PCDHA11: variants seen among roughly 807,000 people sequenced by gnomAD.
PCDHA11 encodes protocadherin alpha-11.
A neutral mutation model predicts 70.3 loss-of-function variants in PCDHA11; 61 were observed. The ratio of observed to expected loss-of-function variants is 0.87; its 90% CI spans 0.71 to 1.07. The LOEUF is 1.07. PCDHA11 is among the 50% of genes least tolerant of loss of function. PCDHA11 has a pLI of 0.00. For synonymous variants in PCDHA11, 633 were observed against 555.1 expected (o/e 1.14, Z -1.97); for missense variants, 1,324 against 1,237.5 (o/e 1.07, Z -1.05).
At chr5:140,967,252 G>A (rs199714982) in intron 1 of PCDHA11, 1 of 1,613,504 alleles carries the variant, frequency 6.2e-7, no homozygotes, top group Non-Finnish European at 8.5e-7. Flanking sequence ...AATCGGTGGC[G>A]CCTGGAGCGC....
rs1554262625 is a variant in PCDHA11, at chr5:141,009,974, T to A, written c.*37T>A. 3 of 1,585,642 alleles carry A rather than the reference T, an allele frequency of 1.9e-6. No homozygotes were observed. The highest frequency in any genetic ancestry group is 2.6e-6 in the Non-Finnish European group (3 of 1,169,212). ...GGAAACAAGCCACTTAGCCAGTTTT[T>A]GTAATAATGGCAAATCTCTCCCATG... On this transcript the variant is annotated 3_prime_UTR_variant, in exon 4 of 4. Transcript: ENST00000398640.
chr5:140,896,276 G>A (rs1368035002), intron 1 of PCDHA11, among the ~76,000 whole-genome samples: 1 of 152,176 alleles, frequency 6.6e-6, no homozygotes, highest in Non-Finnish European at 1.5e-5. Context: ...GGATTTGCTG[G>A]CTTGAATGGT....
chr5:140,922,477 C>T (rs1233589980), intron 1 of PCDHA11, among the ~76,000 whole-genome samples: 2 of 152,124 alleles, frequency 1.3e-5, no homozygotes, highest in African/African-American at 2.4e-5. Context: ...GGAGAGAAGG[C>T]AGGACTAAAT....
At chr5:140,941,317 C>T (rs1264351232) in intron 1 of PCDHA11, among the ~76,000 whole-genome samples, 5 of 99,210 alleles carry the variant, frequency 5.0e-5, no homozygotes, top group Admixed American at 1.1e-4. Flanking sequence ...TTTCTTCTTT[C>T]TCTTTTTTTT....
At chr5:140,965,521 G>A (rs1554227745) in intron 1 of PCDHA11, among the ~76,000 whole-genome samples, 2 of 150,836 alleles carry the variant, frequency 1.3e-5, no homozygotes, top group East Asian at 3.9e-4. Flanking sequence ...TAACTGCAAA[G>A]CATTAATGGA....
rs1188351170 is a variant in PCDHA11, at chr5:140,929,610, T to C, written c.2392-49339T>C. 7.3e-6 allele frequency: 3 copies of C among 408,442 alleles called. No individual in the cohort carries two copies. The South Asian group carries it at 4.1e-4, about 55-fold the overall frequency. 25.3% of individuals were successfully genotyped at this position (408,442 alleles called of 1,614,324 possible). On this transcript the variant is annotated intron_variant, in intron 1 of 3. Transcript: ENST00000398640. ...TAAAGGTCTAAAATTAAAAATAAAA[T>C]ACCAAAATATTTTATAAGCAACAGA...
At chr5:140,915,258 A>T (rs2077046977) in intron 1 of PCDHA11, among the ~76,000 whole-genome samples, 1 of 151,928 alleles carries the variant, frequency 6.6e-6, no homozygotes, top group South Asian at 2.1e-4. Context: ...GGTTGTTATT[A>T]TTTTTGACCA....
chr5:140,977,383 G>A (rs2096759264), intron 1 of PCDHA11, among the ~76,000 whole-genome samples: 1 of 152,134 alleles, frequency 6.6e-6, no homozygotes, highest in Non-Finnish European at 1.5e-5. Context: ...ATATTTCCAG[G>A]TTTATAAAAT....
chr5:140,940,450 A>G (rs1279490375), intron 1 of PCDHA11, among the ~76,000 whole-genome samples: 1 of 151,884 alleles, frequency 6.6e-6, no homozygotes, highest in Non-Finnish European at 1.5e-5. Flanking sequence ...GATATTTTTT[A>G]TAGGTTTCTG....
At chr5:140,875,966 ACT>A (rs782792514) in intron 1 of PCDHA11, 11 of 1,613,922 alleles carry the variant, frequency 6.8e-6, no homozygotes, top group Admixed American at 6.7e-5. Context: ...ATCGGCGTAA[ACT>A]CTCTTTTGAC....
chr5:140,923,012 G>A (rs2081117924), intron 1 of PCDHA11, among the ~76,000 whole-genome samples: 1 of 152,206 alleles, frequency 6.6e-6, no homozygotes, highest in Non-Finnish European at 1.5e-5. Flanking sequence ...TTGTTGGACT[G>A]CAGTTTCGGA....
intron 1 of PCDHA11, among the ~76,000 whole-genome samples, chr5:140,935,394 G>A (rs959098226): frequency 2.0e-5 from 3 of 152,088 alleles, no homozygotes; most frequent in East Asian, 1.9e-4. Flanking sequence ...GTTATCCCAC[G>A]GGACTCAAAC....
chr5:140,891,409 C>A (rs1295005747), intron 1 of PCDHA11, among the ~76,000 whole-genome samples: 1 of 148,202 alleles, frequency 6.7e-6, no homozygotes. Flanking sequence ...CGCCACCCCC[C>A]ACTCTTGCCC....
intron 1 of PCDHA11, 181 bp downstream of exon 1, chr5:140,871,675 T>C (rs1474564343): frequency 8.8e-7 from 1 of 1,142,376 alleles, no homozygotes; most frequent in African/African-American, 1.6e-5. Flanking sequence ...CTTTTAATCA[T>C]ATGAATAATC....
rs371246236 is a variant in PCDHA11 at position 140,876,855 on chromosome 5, A to G, written c.2391+5361A>G. ...CTGCGTTCGCGCAGCCCGAGTACACAGTGTTCGTGAAGGAGAACAACCCGC... is the reference window on the plus strand; with the variant it reads ...CTGCGTTCGCGCAGCCCGAGTACACGGTGTTCGTGAAGGAGAACAACCCGC... On this transcript the variant is annotated intron_variant, in intron 1 of 3. Coordinates refer to ENST00000398640, the MANE Select transcript of PCDHA11 (RefSeq NM_018902.5). The G allele has an allele frequency of 2.0e-4, 322 of 1,614,052 alleles. 4 individuals are homozygous for G. The East Asian group carries it at 3.4e-3, about 17-fold the overall frequency.
intron 1 of PCDHA11, among the ~76,000 whole-genome samples, chr5:140,937,818 A>T (rs190175998): frequency 0.029 from 4,407 of 151,960 alleles, 79 homozygotes; most frequent in Admixed American, 0.046. Context: ...AAGCTGAGGC[A>T]GGAGAATGGC....
intron 1 of PCDHA11, among the ~76,000 whole-genome samples, chr5:140,940,983 C>T (rs572659107): frequency 6.6e-6 from 1 of 152,176 alleles, no homozygotes; most frequent in Non-Finnish European, 1.5e-5. Context: ...TATCTAGTTA[C>T]AAGTTTATAG....
chr5:140,938,295 A>G (rs1458865676), intron 1 of PCDHA11, among the ~76,000 whole-genome samples: 1 of 152,190 alleles, frequency 6.6e-6, no homozygotes, highest in Non-Finnish European at 1.5e-5. Context: ...GTCATTGCCT[A>G]TGAAATTCAG....
rs1290626143 is a variant in PCDHA11 at position 141,010,228 on chromosome 5, C to G, written c.*291C>G. On this transcript the variant is annotated 3_prime_UTR_variant, in exon 4 of 4. Transcript: ENST00000398640. ...CCGCAAAGGAGAGGCTTCCCAGCCC[C>G]GCCAGTGAGAGGTTGGACTCTCTGC... The G allele has an allele frequency of 1.1e-5, 17 of 1,551,916 alleles. No individual in the cohort carries two copies. Among genetic ancestry groups the G allele is most frequent in the Non-Finnish European group, 1.5e-5 (17 of 1,147,054 alleles).
Sources: allele counts gnomAD v4.1 joint callset (sites outside exome capture counted in the v4.1 genomes callset), GRCh38; gene constraint gnomAD v4.1.1; transcripts MANE v1.5; gene names NCBI Gene and HGNC (gene_info 2026-07-23, HGNC 2026-07-21).